Variants in ENTHD1 observed in about 807,000 individuals in gnomAD.
The protein encoded by ENTHD1 is ENTH domain-containing protein 1.
In ENTHD1, 23 loss-of-function variants were observed where a neutral mutation model predicts 39.1. The ratio of observed to expected loss-of-function variants is 0.59; its 90% CI spans 0.42 to 0.83. The LOEUF (loss-of-function observed/expected upper bound fraction) is 0.83. Ranked by LOEUF, ENTHD1 falls within the 40% of genes least tolerant of loss-of-function variation. The pLI is 0.00. For missense variants in ENTHD1, 624 were observed against 705.4 expected (o/e 0.88, Z 1.31); for synonymous variants, 230 against 258.2 (o/e 0.89, Z 1.05).
At chr22:39,888,416 C>T (rs948736815) in intron 1 of ENTHD1, among the ~76,000 whole-genome samples, 6 of 151,414 alleles carry the variant, frequency 4.0e-5, no homozygotes, top group African/African-American at 1.2e-4. Flanking sequence ...TATAGGTGTG[C>T]GCCACCATGC....
At chr22:39,744,910 C>T (rs1302416744) in intron 6 of ENTHD1, among the ~76,000 whole-genome samples, 3 of 151,674 alleles carry the variant, frequency 2.0e-5, no homozygotes, top group African/African-American at 7.3e-5. Context: ...CCTTTTTTTC[C>T]ATAAAATTAC....
chr22:39,830,147 C>T (rs555955793), intron 4 of ENTHD1, among the ~76,000 whole-genome samples: 1 of 152,200 alleles, frequency 6.6e-6, no homozygotes, highest in African/African-American at 2.4e-5. Flanking sequence ...GTAATCTTAG[C>T]TCACTGCAAC....
rs77444081 is a variant in ENTHD1, at chr22:39,817,795, C to T, written c.832+3198G>A. Among the ~76,000 whole-genome samples the T allele has an allele frequency of 3.5e-3, 530 of 152,270 alleles. 10 individuals are homozygous for T. The East Asian group carries it at 0.071, about 20-fold the overall frequency. ...ATAGTGAAAGGAGAAACTAGTTTAGCATGCAGAAAGATTTTATAGCAGTTG... is the reference window on the plus strand; with the variant it reads ...ATAGTGAAAGGAGAAACTAGTTTAGTATGCAGAAAGATTTTATAGCAGTTG... On this transcript the variant is annotated intron_variant, in intron 5 of 6. Coordinates refer to ENST00000325157, the MANE Select transcript of ENTHD1 (RefSeq NM_152512.4).
intron 1 of ENTHD1, among the ~76,000 whole-genome samples, chr22:39,888,260 C>CTTTTTTTTTTTT (rs61092462): frequency 4.5e-5 from 5 of 110,642 alleles, no homozygotes; most frequent in Admixed American, 1.8e-4. Flanking sequence ...TTCTTTCTTT[C>CTTTTTTTTTTTT]TTTTTTTTTT....
At chr22:39,747,391 TC>T (rs1389545364) in intron 6 of ENTHD1, among the ~76,000 whole-genome samples, 1 of 152,136 alleles carries the variant, frequency 6.6e-6, no homozygotes, top group Non-Finnish European at 1.5e-5. Flanking sequence ...TAAAAATCTT[TC>T]CCAAGACCAC....
intron 5 of ENTHD1, among the ~76,000 whole-genome samples, chr22:39,777,607 C>A (rs544213661): frequency 1.2e-4 from 18 of 152,128 alleles, no homozygotes; most frequent in African/African-American, 4.1e-4. Context: ...CAGATCTGGA[C>A]ACATGTAAAG....
chr22:39,870,565 T>C (rs1851311671), intron 2 of ENTHD1, among the ~76,000 whole-genome samples: 1 of 152,172 alleles, frequency 6.6e-6, no homozygotes, highest in African/African-American at 2.4e-5. Context: ...AATAAATCTA[T>C]ACCAGAAACA....
chr22:39,827,237 G>A (rs918647706), intron 4 of ENTHD1, among the ~76,000 whole-genome samples: 4 of 151,940 alleles, frequency 2.6e-5, no homozygotes, highest in Admixed American at 6.6e-5. Context: ...GGATGGTCTC[G>A]ATCTTCTGAC....
At chr22:39,827,557 AG>A (rs2065836719) in intron 4 of ENTHD1, among the ~76,000 whole-genome samples, 1 of 152,234 alleles carries the variant, frequency 6.6e-6, no homozygotes, top group African/African-American at 2.4e-5. Context: ...AACAGTAAAA[AG>A]AAACAAACAT....
At chr22:39,835,246 C>A (rs956457435) in intron 4 of ENTHD1, among the ~76,000 whole-genome samples, 1 of 151,974 alleles carries the variant, frequency 6.6e-6, no homozygotes, top group Non-Finnish European at 1.5e-5. Context: ...GTGGCACAAG[C>A]TGAGAGAAGG....
intron 5 of ENTHD1, among the ~76,000 whole-genome samples, chr22:39,768,717 A>G (rs1013038418): frequency 3.9e-5 from 6 of 152,148 alleles, no homozygotes; most frequent in African/African-American, 1.4e-4. Context: ...AAATTTAACT[A>G]TATCTTAATT....
At chr22:39,823,818 A>G (rs184171802) in intron 4 of ENTHD1, among the ~76,000 whole-genome samples, 1 of 152,344 alleles carries the variant, frequency 6.6e-6, no homozygotes, top group Admixed American at 6.5e-5. Context: ...TATTCTCACT[A>G]GCATTTAGTG....
Position 39,743,522 on chromosome 22 carries a change from G to T in ENTHD1, c.*157C>A. 3.8e-6 allele frequency: 3 copies of T among 797,954 alleles called. No individual in the cohort carries two copies. Among genetic ancestry groups the T allele is most frequent in the Non-Finnish European group, 5.5e-6 (3 of 548,356 alleles). 49.4% of individuals were successfully genotyped at this position (797,954 alleles called of 1,614,324 possible). A position where few individuals can be genotyped will look rare whatever the true frequency, so the allele number is the denominator to read the frequency against. On this transcript the variant is annotated 3_prime_UTR_variant, in exon 7 of 7. Coordinates refer to ENST00000325157, the MANE Select transcript of ENTHD1 (RefSeq NM_152512.4). ...CTTTTAAAAAATAAACCACCCAAAT[G>T]AAAGTATTAGTTTGAAAGATACTTG...
chr22:39,847,858 A>G (rs1418916265), intron 3 of ENTHD1, among the ~76,000 whole-genome samples: 1 of 152,270 alleles, frequency 6.6e-6, no homozygotes, highest in African/African-American at 2.4e-5. Context: ...CCACAAACTT[A>G]GTGGCCTAAA....
rs771414062 is a variant in ENTHD1 at position 39,765,613 on chromosome 22, TA to T, written c.833-5del. 1 of 1,591,780 alleles carries T rather than the reference TA, an allele frequency of 6.3e-7. No homozygotes were observed. The highest frequency in any genetic ancestry group is 8.5e-7 in the Non-Finnish European group (1 of 1,170,396). ...TCTGAGAGAGTAGGCACAGCATCTATAAAAGAACAAATAAGAGCTATAATCA... is the reference window on the plus strand; with the variant it reads ...TCTGAGAGAGTAGGCACAGCATCTATAAAGAACAAATAAGAGCTATAATCA... On this transcript the variant is annotated splice_region_variant and splice_polypyrimidine_tract_variant and intron_variant, in intron 5 of 6. Coordinates refer to ENST00000325157, the MANE Select transcript of ENTHD1 (RefSeq NM_152512.4).
intron 3 of ENTHD1, among the ~76,000 whole-genome samples, chr22:39,852,789 A>C (rs1324877852): frequency 6.6e-6 from 1 of 152,226 alleles, no homozygotes; most frequent in Admixed American, 6.5e-5. Context: ...TCATACACGC[A>C]GTCCACCATT....
chr22:39,769,721 T>C (rs1432862399), intron 5 of ENTHD1, among the ~76,000 whole-genome samples: 1 of 151,522 alleles, frequency 6.6e-6, no homozygotes, highest in African/African-American at 2.4e-5. Flanking sequence ...ATATAATCAC[T>C]CCCCCTCCTT....
Position 39,867,836 on chromosome 22 carries a change from G to A in ENTHD1, c.350-5829C>T, listed in dbSNP as rs1420359745. Among the ~76,000 whole-genome samples the A allele has an allele frequency of 6.6e-6, 1 of 152,094 alleles. No homozygotes were observed. The highest frequency in any genetic ancestry group is 1.5e-5 in the Non-Finnish European group (1 of 68,014). Reference sequence around the variant, plus strand: ...AGTCAAGTTGACACAGTAAGTTCATGCTTCAAAGTATCCCCCTGTTCTATT... The same window carrying A: ...AGTCAAGTTGACACAGTAAGTTCATACTTCAAAGTATCCCCCTGTTCTATT... On this transcript the variant is annotated intron_variant, in intron 2 of 6. Coordinates refer to ENST00000325157, the MANE Select transcript of ENTHD1 (RefSeq NM_152512.4). The surrounding 1 kb of genome is among the most constrained non-coding windows in gnomAD (Gnocchi z 4.5).
chr22:39,784,063 TATG>T (rs2065434285), intron 5 of ENTHD1, among the ~76,000 whole-genome samples: 1 of 151,686 alleles, frequency 6.6e-6, no homozygotes, highest in Non-Finnish European at 1.5e-5. Context: ...CAAAAAAAGA[TATG>T]ATTAAAAATG....
Sources: allele counts gnomAD v4.1 joint callset (sites outside exome capture counted in the v4.1 genomes callset), GRCh38; gene constraint gnomAD v4.1.1; non-coding constraint Gnocchi (gnomAD v3.1); transcripts MANE v1.5; gene names NCBI Gene and HGNC (gene_info 2026-07-23, HGNC 2026-07-21).